ADAMTS16: variants seen among roughly 807,000 people sequenced by gnomAD.
ADAMTS16 encodes A disintegrin and metalloproteinase with thrombospondin motifs 16.
Under a neutral mutation model 145.8 loss-of-function variants are expected in ADAMTS16, and 94 were observed. That is an observed-to-expected ratio of 0.64 (90% CI 0.55 to 0.77). ADAMTS16 has a LOEUF of 0.77. Ranked by LOEUF, ADAMTS16 falls within the 30% of genes least tolerant of loss-of-function variation. The pLI is 0.00. For missense variants in ADAMTS16, 1,585 were observed against 1,591.5 expected, an observed-to-expected ratio of 1.00 and a Z score of 0.07; for synonymous variants, 659 against 604.3, an observed-to-expected ratio of 1.09 and a Z score of -1.33.
chr5:5,282,452 C>T (rs12659042), intron 18 of ADAMTS16, among the ~76,000 whole-genome samples: 147,571 of 152,278 alleles, frequency 0.97, 71,659 homozygotes, highest in East Asian at 1. Flanking sequence ...TTGAAAAATT[C>T]ATTTTCTCTG....
At chr5:5,218,096 C>T (rs777433103) in intron 10 of ADAMTS16, among the ~76,000 whole-genome samples, 1 of 152,184 alleles carries the variant, frequency 6.6e-6, no homozygotes, top group Non-Finnish European at 1.5e-5. Flanking sequence ...GATATAATGA[C>T]CTACAACAAT....
intron 18 of ADAMTS16, among the ~76,000 whole-genome samples, chr5:5,273,322 A>T (rs1738558869): frequency 6.6e-6 from 1 of 152,228 alleles, no homozygotes; most frequent in Non-Finnish European, 1.5e-5. Context: ...GTTCGAGACC[A>T]GCCTGCCTGG....
At chr5:5,272,951 T>C (rs184918554) in intron 18 of ADAMTS16, among the ~76,000 whole-genome samples, 1 of 152,174 alleles carries the variant, frequency 6.6e-6, no homozygotes, top group African/African-American at 2.4e-5. Flanking sequence ...GAGAGCCAGT[T>C]TTACTCAACT....
chr5:5,141,835 CATAGT>C (rs1734176339), intron 2 of ADAMTS16, among the ~76,000 whole-genome samples: 1 of 152,016 alleles, frequency 6.6e-6, no homozygotes, highest in Non-Finnish European at 1.5e-5. Context: ...TGACGCTCAC[CATAGT>C]ACCTTTTTGA....
intron 14 of ADAMTS16, among the ~76,000 whole-genome samples, chr5:5,237,994 A>C (rs181780913): frequency 2.0e-5 from 3 of 152,230 alleles, no homozygotes; most frequent in Admixed American, 2.0e-4. Context: ...GAGTCCAAAA[A>C]CATCTTTTCT....
intron 18 of ADAMTS16, among the ~76,000 whole-genome samples, chr5:5,300,671 G>A (rs527557187): frequency 5.3e-5 from 8 of 152,264 alleles, no homozygotes; most frequent in Admixed American, 1.3e-4. Flanking sequence ...GGTTTGGGGC[G>A]GGATCAATTC....
chr5:5,199,830 G>T (rs1156897151), intron 8 of ADAMTS16, among the ~76,000 whole-genome samples: 6 of 152,194 alleles, frequency 3.9e-5, no homozygotes, highest in African/African-American at 1.2e-4. Context: ...ACATAGAGCA[G>T]TGTTAGCCTA....
rs538987891 is a variant in ADAMTS16 at position 5,264,693 on chromosome 5, T to C, written c.2789+1910T>C. Among the ~76,000 whole-genome samples the C allele has an allele frequency of 3.9e-5, 6 of 152,292 alleles. No homozygotes were observed. In the South Asian group the frequency reaches 1.2e-3, roughly 32 times the overall value. ...CCTCCCAGCACACCTGCCCCTGATG[T>C]GATCGGGGACCTGTCACCTTATAAA... On this transcript the variant is annotated intron_variant, in intron 18 of 22. Transcript: ENST00000274181.
At chr5:5,235,290 G>T in intron 13 of ADAMTS16, 104 bp downstream of exon 13, 2 of 1,220,462 alleles carry the variant, frequency 1.6e-6, no homozygotes, top group Non-Finnish European at 2.1e-6. Flanking sequence ...ACCAGACGTC[G>T]CTCTGGGAGG....
intron 17 of ADAMTS16, among the ~76,000 whole-genome samples, chr5:5,249,902 G>C (rs1300436637): frequency 6.6e-6 from 1 of 152,128 alleles, no homozygotes; most frequent in East Asian, 1.9e-4. Flanking sequence ...AACTGGAAAG[G>C]GGGTGGAGTG....
chr5:5,200,255 A>T lies in ADAMTS16; in HGVS notation c.1437A>T (p.Leu479=). The T allele has an allele frequency of 1.9e-6, 3 of 1,614,036 alleles. No homozygotes were observed. The highest frequency in any genetic ancestry group is 2.5e-6 in the Non-Finnish European group (3 of 1,179,948). Residue 479 remains leucine (L), a synonymous_variant, in exon 9 of 23, where the codon CTA becomes CTT. Transcript: ENST00000274181. ...FSWSPCSRQY[L]HKFLSTAQAI... ...GGTCACCCTGCAGCCGCCAGTATCT[A>T]CACAAATTTCTAAGGTAGGAACTCT...
chr5:5,249,205 T>C (rs2964420), intron 17 of ADAMTS16, among the ~76,000 whole-genome samples: 149,980 of 152,302 alleles, frequency 0.98, 73,870 homozygotes, highest in Middle Eastern at 1. Flanking sequence ...GCAAATTACA[T>C]GTGTATTGTC....
chr5:5,263,011 C>T (rs1473581127), intron 18 of ADAMTS16, among the ~76,000 whole-genome samples: 1 of 152,140 alleles, frequency 6.6e-6, no homozygotes, highest in Admixed American at 6.5e-5. Context: ...CTTAGAATGG[C>T]GTCCTGTTTG....
intron 3 of ADAMTS16, among the ~76,000 whole-genome samples, chr5:5,149,295 A>G (rs941752974): frequency 4.6e-5 from 7 of 152,090 alleles, no homozygotes; most frequent in Non-Finnish European, 7.4e-5. Flanking sequence ...GTCATTAGAG[A>G]TCTGTTTGTG....
intron 3 of ADAMTS16, among the ~76,000 whole-genome samples, chr5:5,158,256 T>C (rs111610218): frequency 1.3e-5 from 2 of 152,312 alleles, no homozygotes; most frequent in African/African-American, 4.8e-5. Context: ...ACCATGATTG[T>C]TACGATTCCT....
At chr5:5,152,082 T>C in intron 3 of ADAMTS16, among the ~76,000 whole-genome samples, 3 of 152,374 alleles carry the variant, frequency 2.0e-5, no homozygotes, top group Admixed American at 2.0e-4. Flanking sequence ...TTCTTCCTAG[T>C]TGCTCACAAC....
intron 17 of ADAMTS16, among the ~76,000 whole-genome samples, chr5:5,256,292 T>A (rs1278288316): frequency 6.6e-6 from 1 of 152,218 alleles, no homozygotes; most frequent in Non-Finnish European, 1.5e-5. Context: ...AGTCTTGCAA[T>A]ATGCACTGCT....
At chr5:5,162,274 T>C (rs1220094184) in intron 3 of ADAMTS16, among the ~76,000 whole-genome samples, 1 of 152,348 alleles carries the variant, frequency 6.6e-6, no homozygotes, top group East Asian at 1.9e-4. Flanking sequence ...CATTTAATTA[T>C]ATTAACATTA....
rs1385603013 is a variant in ADAMTS16, at chr5:5,239,176, G to A, written c.2180G>A (p.Gly727Glu). The A allele has an allele frequency of 6.3e-7, 1 of 1,585,210 alleles. No individual in the cohort carries two copies. The highest frequency in any genetic ancestry group is 1.4e-5 in the African/African-American group (1 of 73,652). The part of the protein sequence containing the change: ...CERVGCDNVL[G>E]SDAVEDVCGV... ...AGAGTTGGATGTGACAATGTCCTTG[G>A]ATCTGATGCTGTTGAAGACGTCTGT... The change falls in exon 15 of 23, where the codon GGA becomes GAA. Residue 727 changes from glycine to glutamate, a missense_variant. Physicochemically the swap from Gly to Glu is moderately conservative, Grantham distance 98. Transcript: ENST00000274181.
Sources: allele counts gnomAD v4.1 joint callset (sites outside exome capture counted in the v4.1 genomes callset), GRCh38; gene constraint gnomAD v4.1.1; transcripts MANE v1.5; gene names NCBI Gene and HGNC (gene_info 2026-07-23, HGNC 2026-07-21).